Variants in LIMCH1 observed in about 807,000 individuals in gnomAD.
LIMCH1 encodes LIM and calponin homology domains-containing protein 1.
Under a neutral mutation model 176.5 loss-of-function variants are expected in LIMCH1, and 113 were observed. The observed-to-expected ratio is 0.64, with a 90% CI of 0.55 to 0.75. LIMCH1 has a LOEUF of 0.75. Among genes scored for constraint, LIMCH1 ranks in the 30% least tolerant of loss-of-function variants. LIMCH1 has a pLI of 0.00. For missense variants in LIMCH1, 1,674 were observed against 1,814.9 expected, an observed-to-expected ratio of 0.92 and a Z score of 1.41; for synonymous variants, 619 against 645.9, an observed-to-expected ratio of 0.96 and a Z score of 0.63.
intron 3 of LIMCH1, among the ~76,000 whole-genome samples, chr4:41,529,829 C>G (rs1038489567): frequency 1.3e-5 from 2 of 152,084 alleles, no homozygotes; most frequent in Admixed American, 6.6e-5. Flanking sequence ...CTTCATGTAT[C>G]ACTTCTTAGC....
rs143987835 is a variant in LIMCH1 at position 41,650,605 on chromosome 4, C to T, written c.3033C>T (p.Leu1011=). 6,618 of 1,611,782 alleles carry T rather than the reference C, an allele frequency of 4.1e-3. 16 individuals are homozygous for T. The highest frequency in any genetic ancestry group is 5.1e-3 in the Non-Finnish European group (6,035 of 1,178,846). ...IKKPNSVPQE[L]AATTEKTEPN... ...AGCCAAACTCTGTTCCCCAAGAGCT[C>T]GCAGTAAGAACCAAACATTTCCCCG... Residue 1011 remains leucine, a synonymous_variant, in exon 18 of 32, where the codon CTC becomes CTT. Transcript: ENST00000503057.
Position 41,626,797 on chromosome 4 carries a change from A to C in LIMCH1, c.815A>C (p.Asp272Ala). ...NSFLTHQHGN[D>A]SEAEGEVVCR... The stretch of plus-strand genomic sequence containing the variant: ...TTCCTGACCCACCAACATGGCAACG[A>C]TTCAGAGGCAGAAGGTGAAGTTGTG... Residue 272 changes from aspartate (D) to alanine (A), a missense_variant, in exon 8 of 32, where the codon GAT becomes GCT. Coordinates refer to ENST00000503057, the MANE Select transcript of LIMCH1 (RefSeq NM_001330672.2). 1 of 1,536,432 alleles carries C rather than the reference A, an allele frequency of 6.5e-7. No homozygotes were observed. Among genetic ancestry groups the C allele is most frequent in the Non-Finnish European group, 8.7e-7 (1 of 1,146,962 alleles).
At chr4:41,517,007 CAG>C (rs1411509271) in intron 2 of LIMCH1, among the ~76,000 whole-genome samples, 1 of 152,124 alleles carries the variant, frequency 6.6e-6, no homozygotes. Flanking sequence ...CCCTAAATCT[CAG>C]TGGTGTAACA....
chr4:41,654,876 T>G (rs1387309796), intron 18 of LIMCH1, among the ~76,000 whole-genome samples: 2 of 152,152 alleles, frequency 1.3e-5, no homozygotes, highest in Admixed American at 6.5e-5. Flanking sequence ...ATTTCAGGGG[T>G]TTTGTTCATT....
intron 1 of LIMCH1, among the ~76,000 whole-genome samples, chr4:41,414,408 C>T (rs1175583183): frequency 1.3e-5 from 2 of 152,232 alleles, no homozygotes; most frequent in African/African-American, 4.8e-5. Flanking sequence ...CTCAACTTCT[C>T]ACATTCCATG....
chr4:41,376,953 T>C (rs1242333149), intron 1 of LIMCH1, among the ~76,000 whole-genome samples: 2 of 152,166 alleles, frequency 1.3e-5, no homozygotes, highest in Non-Finnish European at 2.9e-5. Flanking sequence ...AATTTGATGG[T>C]ATCTGAGTTA....
chr4:41,630,688 G>A (rs1311820708), intron 9 of LIMCH1, among the ~76,000 whole-genome samples: 1 of 152,170 alleles, frequency 6.6e-6, no homozygotes, highest in Non-Finnish European at 1.5e-5. Context: ...TTCATATACA[G>A]TCTTCCCTCA....
intron 19 of LIMCH1, among the ~76,000 whole-genome samples, chr4:41,662,174 G>A (rs1010200808): frequency 4.0e-5 from 6 of 151,880 alleles, no homozygotes; most frequent in African/African-American, 1.5e-4. Flanking sequence ...TTATTTTTAG[G>A]TAACATTTTT....
chr4:41,664,004 C>T (rs902158258), intron 20 of LIMCH1, among the ~76,000 whole-genome samples: 1 of 152,048 alleles, frequency 6.6e-6, no homozygotes, highest in Non-Finnish European at 1.5e-5. Flanking sequence ...TATACCACTG[C>T]ACTCTAACCT....
chr4:41,628,417 TAA>T (rs34078359), intron 8 of LIMCH1, among the ~76,000 whole-genome samples: 20,047 of 133,584 alleles, frequency 0.15, 3,768 homozygotes, highest in African/African-American at 0.45. Context: ...AAGAACTTAT[TAA>T]AAAAAAAAAA....
chr4:41,592,111 A>G (rs1319615912), intron 1 of LIMCH1, among the ~76,000 whole-genome samples: 1 of 152,198 alleles, frequency 6.6e-6, no homozygotes, highest in Admixed American at 6.5e-5. Flanking sequence ...GGGCTGAGGA[A>G]ACCTCTTCTG....
rs552505075 is a variant in LIMCH1, at chr4:41,698,011, T to C, written c.*826T>C. The C allele has an allele frequency of 3.9e-5, 6 of 152,156 alleles. No homozygotes were observed. The East Asian group carries it at 1.2e-3, about 29-fold the overall frequency. 9.4% of individuals were successfully genotyped at this position (152,156 alleles called of 1,614,324 possible). On this transcript the variant is annotated 3_prime_UTR_variant, in exon 32 of 32. Coordinates refer to ENST00000503057, the MANE Select transcript of LIMCH1 (RefSeq NM_001330672.2). Reference sequence around the variant, plus strand: ...GAAGTTTAATCTTCCAAAGAGTCAATGTCAGACATCAGGCCTCTGTTGCCT... The same window carrying C: ...GAAGTTTAATCTTCCAAAGAGTCAACGTCAGACATCAGGCCTCTGTTGCCT...
At chr4:41,363,849 GTGTT>G (rs2052543122) in intron 1 of LIMCH1, among the ~76,000 whole-genome samples, 1 of 152,228 alleles carries the variant, frequency 6.6e-6, no homozygotes, top group Admixed American at 6.5e-5. Flanking sequence ...ACATCTAACT[GTGTT>G]TGGGAAGACT....
At chr4:41,585,110 G>C (rs2086208355) in intron 1 of LIMCH1, among the ~76,000 whole-genome samples, 1 of 152,062 alleles carries the variant, frequency 6.6e-6, no homozygotes, top group South Asian at 2.1e-4. Flanking sequence ...ACATTGATCG[G>C]CACAAACATT....
chr4:41,692,476 C>A (rs940166079), intron 31 of LIMCH1, 92 bp downstream of exon 31: 9 of 759,918 alleles, frequency 1.2e-5, no homozygotes, highest in Non-Finnish European at 2.1e-5. Context: ...TTTTCCCCAG[C>A]CGTTGACACT....
intron 14 of LIMCH1, among the ~76,000 whole-genome samples, chr4:41,642,098 A>G (rs2093846295): frequency 6.6e-6 from 1 of 152,086 alleles, no homozygotes; most frequent in Non-Finnish European, 1.5e-5. Flanking sequence ...ATCTATGGCC[A>G]CCCATAGTGG....
chr4:41,603,672 C>T (rs2152763133), intron 2 of LIMCH1, among the ~76,000 whole-genome samples: 1 of 152,258 alleles, frequency 6.6e-6, no homozygotes, highest in Non-Finnish European at 1.5e-5. Flanking sequence ...GAACTTTAAT[C>T]CCACCTTGTC....
intron 1 of LIMCH1, among the ~76,000 whole-genome samples, chr4:41,376,054 T>A (rs2154100073): frequency 6.6e-6 from 1 of 152,358 alleles, no homozygotes; most frequent in Admixed American, 6.5e-5. Flanking sequence ...CATGAGTTTC[T>A]TATTTATCCT....
chr4:41,363,458 A>G (rs906135021), intron 1 of LIMCH1, among the ~76,000 whole-genome samples: 1 of 151,934 alleles, frequency 6.6e-6, no homozygotes, highest in East Asian at 1.9e-4. Context: ...CAGGAATTTC[A>G]CCCTTTCATA....
Sources: allele counts gnomAD v4.1 joint callset (sites outside exome capture counted in the v4.1 genomes callset), GRCh38; gene constraint gnomAD v4.1.1; transcripts MANE v1.5; gene names NCBI Gene and HGNC (gene_info 2026-07-23, HGNC 2026-07-21).